Variants in ULK4 observed in about 807,000 individuals in gnomAD.
ULK4 encodes unc-51 like kinase 4, also known as inactive serine/threonine-protein kinase ULK4.
Under a neutral mutation model 160.6 loss-of-function variants are expected in ULK4, and 133 were observed. That is an observed-to-expected ratio of 0.83 (90% CI 0.72 to 0.96). The LOEUF (loss-of-function observed/expected upper bound fraction) is 0.96. Among genes scored for constraint, ULK4 ranks in the 40% least tolerant of loss-of-function variants. The pLI is 0.00. For synonymous variants in ULK4, 534 were observed against 539.8 expected (o/e 0.99, Z 0.15); for missense variants, 1,580 against 1,499.5 (o/e 1.05, Z -0.89).
At chr3:41,283,311 G>A (rs1055882805) in intron 35 of ULK4, among the ~76,000 whole-genome samples, 1 of 152,174 alleles carries the variant, frequency 6.6e-6, no homozygotes, top group African/African-American at 2.4e-5. Context: ...ATACCCAAAG[G>A]AGTATACATC....
At chr3:41,743,126 CA>C (rs1475730152) in intron 22 of ULK4, among the ~76,000 whole-genome samples, 8 of 151,752 alleles carry the variant, frequency 5.3e-5, no homozygotes, top group Non-Finnish European at 1.0e-4. Context: ...AGAAGCTGAT[CA>C]AACTCCAAAT....
intron 35 of ULK4, among the ~76,000 whole-genome samples, chr3:41,368,595 T>C (rs552026632): frequency 1.3e-5 from 2 of 152,346 alleles, no homozygotes. Context: ...ATCACTAATC[T>C]ATGTGTCTAT....
At chr3:41,678,765 T>C (rs961909471) in intron 29 of ULK4, among the ~76,000 whole-genome samples, 2 of 152,206 alleles carry the variant, frequency 1.3e-5, no homozygotes, top group Non-Finnish European at 2.9e-5. Context: ...ATCAAAAGTA[T>C]TGTTTAAGGT....
rs1423833472 is a variant in ULK4, at chr3:41,707,211, G to A, written c.2635-1906C>T. Among the ~76,000 whole-genome samples the A allele has an allele frequency of 2.0e-5, 3 of 152,184 alleles. No individual in the cohort carries two copies. The East Asian group carries it at 5.8e-4, about 29-fold the overall frequency. ...AAGCTATACATAGTTCATACAAACA[G>A]AAGAGTAACCATTAAAATGCTAGAA... On this transcript the variant is annotated intron_variant, in intron 25 of 36. Transcript: ENST00000301831.
intron 35 of ULK4, among the ~76,000 whole-genome samples, chr3:41,285,925 G>A (rs747785451): frequency 1.1e-4 from 17 of 152,098 alleles, no homozygotes; most frequent in Non-Finnish European, 2.4e-4. Context: ...GCATCTCTGG[G>A]GTAGCATACA....
intron 32 of ULK4, among the ~76,000 whole-genome samples, chr3:41,528,087 C>T (rs1482075532): frequency 6.6e-6 from 1 of 152,046 alleles, no homozygotes; most frequent in Non-Finnish European, 1.5e-5. Flanking sequence ...TCCATGTAGC[C>T]AATGGAATTT....
rs113049334 is a variant in ULK4 at position 41,775,624 on chromosome 3, C to G, written c.2193+14037G>C. Among the ~76,000 whole-genome samples, 13 of 150,636 alleles carry G rather than the reference C, an allele frequency of 8.6e-5. 1 individual carries two copies. Among genetic ancestry groups the G allele is most frequent in the African/African-American group, 3.2e-4 (13 of 40,000 alleles). ...ATGTTGGCCAGGCTGGTCTTGAACT[C>G]CTGACCTCAGGTGATCCACCCACCT... On this transcript the variant is annotated intron_variant, in intron 21 of 36. Coordinates refer to ENST00000301831, the MANE Select transcript of ULK4 (RefSeq NM_017886.4).
intron 35 of ULK4, among the ~76,000 whole-genome samples, chr3:41,385,158 T>TAGAA (rs2081776123): frequency 6.6e-6 from 1 of 152,194 alleles, no homozygotes; most frequent in South Asian, 2.1e-4. Context: ...CATGATGTCT[T>TAGAA]CACTTTCACA....
chr3:41,247,006 C>G lies in ULK4; in HGVS notation c.3765-14G>C. On this transcript the variant is annotated splice_polypyrimidine_tract_variant and intron_variant, in intron 36 of 36. Coordinates refer to ENST00000301831, the MANE Select transcript of ULK4 (RefSeq NM_017886.4). ...TCGGCAAATGAACTGTAAGAAAAAC[C>G]AAAGTAGGTACACTTAATAGGCATC... 1 of 1,613,054 alleles carries G rather than the reference C, an allele frequency of 6.2e-7. No homozygotes were observed. The highest frequency in any genetic ancestry group is 8.5e-7 in the Non-Finnish European group (1 of 1,179,588).
chr3:41,638,680 T>A (rs1170940634), intron 30 of ULK4, among the ~76,000 whole-genome samples: 1 of 152,246 alleles, frequency 6.6e-6, no homozygotes, highest in Non-Finnish European at 1.5e-5. Context: ...TAAAGCCACA[T>A]TTGTATAGCA....
chr3:41,745,970 G>A (rs2038405049), intron 22 of ULK4, among the ~76,000 whole-genome samples: 1 of 150,530 alleles, frequency 6.6e-6, no homozygotes, highest in Non-Finnish European at 1.5e-5. Flanking sequence ...AAAACTCTAA[G>A]AAAATTGGAG....
intron 31 of ULK4, among the ~76,000 whole-genome samples, chr3:41,569,668 C>T (rs752914836): frequency 3.9e-5 from 6 of 152,102 alleles, no homozygotes; most frequent in Non-Finnish European, 8.8e-5. Context: ...ATTTCCCTGG[C>T]CCCTATTTAT....
chr3:41,401,739 A>T (rs950942723), intron 34 of ULK4, among the ~76,000 whole-genome samples: 1 of 152,196 alleles, frequency 6.6e-6, no homozygotes, highest in Non-Finnish European at 1.5e-5. Flanking sequence ...CCAATTTCTC[A>T]ATTTCAGCCA....
chr3:41,797,008 A>G (rs1164215611), intron 20 of ULK4, among the ~76,000 whole-genome samples: 1 of 152,206 alleles, frequency 6.6e-6, no homozygotes, highest in East Asian at 1.9e-4. Context: ...GCACCCAAAC[A>G]ATAAGCAGTA....
chr3:41,452,343 G>A (rs1050282504), intron 34 of ULK4, among the ~76,000 whole-genome samples: 1 of 152,150 alleles, frequency 6.6e-6, no homozygotes, highest in African/African-American at 2.4e-5. Context: ...TAGATTATCT[G>A]GAATAGACGC....
intron 36 of ULK4, among the ~76,000 whole-genome samples, chr3:41,247,403 C>T (rs2078665024): frequency 1.3e-5 from 2 of 152,316 alleles, no homozygotes; most frequent in South Asian, 4.1e-4. Context: ...CAGCCAGGAG[C>T]TTTCTTACTC....
chr3:41,805,355 T>G (rs750345317), intron 19 of ULK4, among the ~76,000 whole-genome samples: 17,315 of 151,244 alleles, frequency 0.11, 173 homozygotes, highest in Middle Eastern at 0.21. Context: ...CTTTGCTGAA[T>G]TTGCTTATCA....
intron 21 of ULK4, among the ~76,000 whole-genome samples, chr3:41,771,307 T>C (rs1242086292): frequency 3.3e-5 from 5 of 152,212 alleles, no homozygotes; most frequent in African/African-American, 1.2e-4. Flanking sequence ...ATTCAGTGTA[T>C]TCTGGAACTT....
chr3:41,671,151 C>T lies in ULK4; in HGVS notation c.2979-7452G>A, dbSNP rs537850687. Among the ~76,000 whole-genome samples the T allele has an allele frequency of 5.3e-5, 8 of 152,046 alleles. No homozygotes were observed. The East Asian group carries it at 1.5e-3, about 29-fold the overall frequency. On this transcript the variant is annotated intron_variant, in intron 29 of 36. Transcript: ENST00000301831. ...GAAAAATTAATATCATTAAAATGAC[C>T]ATACTGCCCAAAGCAATCTACAGAT...
Sources: gnomAD v4.1 joint callset for allele counts (sites outside exome capture counted in the v4.1 genomes callset) on GRCh38, gnomAD v4.1.1 for gene constraint, MANE v1.5 for transcripts, NCBI Gene and HGNC (gene_info 2026-07-23, HGNC 2026-07-21) for gene names.